FOXJ3: variants seen among roughly 807,000 people sequenced by gnomAD.
The protein encoded by FOXJ3 is forkhead box protein J3.
In FOXJ3, 22 loss-of-function variants were observed where a neutral mutation model predicts 76.1. The ratio of observed to expected loss-of-function variants is 0.29; its 90% confidence interval spans 0.21 to 0.41. The LOEUF is 0.41. FOXJ3 is among the 10% of genes least tolerant of loss of function. The probability of loss-of-function intolerance (pLI) is 1.00; values close to 1 mark genes in which losing one functional copy is unlikely to be tolerated. For synonymous variants in FOXJ3, 269 were observed against 261.2 expected, an observed-to-expected ratio of 1.03 and a Z score of -0.29; for missense variants, 613 against 762.1, an observed-to-expected ratio of 0.80 and a Z score of 2.30.
At chr1:42,333,717 A>T (rs565147561) in intron 1 of FOXJ3, among the ~76,000 whole-genome samples, 2 of 152,320 alleles carry the variant, frequency 1.3e-5, no homozygotes, top group African/African-American at 4.8e-5. Flanking sequence ...TGGAAGAGAC[A>T]TTAAGAAAAA....
chr1:42,188,926 G>A lies in FOXJ3; in HGVS notation c.1456C>T (p.Leu486=). 16 of 1,574,960 alleles carry A rather than the reference G, an allele frequency of 1.0e-5. No homozygotes were observed. The highest frequency in any genetic ancestry group is 1.4e-5 in the Non-Finnish European group (16 of 1,156,844). ...SDVDLSQFQG[L]MESMRQADLK... Reference sequence around the variant, plus strand: ...TCTGCCTGTCTCATACTCTCCATCAGACCTATGAGGAAAGCATTAAAAATA... The same window carrying A: ...TCTGCCTGTCTCATACTCTCCATCAAACCTATGAGGAAAGCATTAAAAATA... Residue 486 remains leucine (L), a splice_region_variant and synonymous_variant, in exon 11 of 13, where the codon CTG becomes TTG. Transcript: ENST00000361346.
At chr1:42,319,688 T>C (rs1366225330) in intron 1 of FOXJ3, among the ~76,000 whole-genome samples, 4 of 152,130 alleles carry the variant, frequency 2.6e-5, no homozygotes. Context: ...ACAAAGCAGT[T>C]AGGAAAAAAA....
At chr1:42,181,844 CCAT>C in intron 12 of FOXJ3, 70 bp downstream of exon 12, 1 of 946,968 alleles carries the variant, frequency 1.1e-6, no homozygotes, top group Non-Finnish European at 1.6e-6. Context: ...CTCTCACCTG[CCAT>C]CGTTGTTCCT....
chr1:42,231,855 T>C lies in FOXJ3; in HGVS notation c.445-3889A>G, dbSNP rs181929523. Among the ~76,000 whole-genome samples the C allele has an allele frequency of 8.0e-3, 1,213 of 152,232 alleles. 7 individuals carry two copies. The highest frequency in any genetic ancestry group is 0.013 in the Non-Finnish European group (876 of 67,998). On this transcript the variant is annotated intron_variant, in intron 4 of 12. Coordinates refer to ENST00000361346, the MANE Select transcript of FOXJ3 (RefSeq NM_014947.5). Reference sequence around the variant, plus strand: ...TTAGGGGACATGTGCACAACGTGCATGTTACATATGTATACATGTGCCATG... The same window carrying C: ...TTAGGGGACATGTGCACAACGTGCACGTTACATATGTATACATGTGCCATG...
intron 2 of FOXJ3, among the ~76,000 whole-genome samples, chr1:42,299,620 A>G (rs1326866495): frequency 6.6e-6 from 1 of 150,728 alleles, no homozygotes; most frequent in Non-Finnish European, 1.5e-5. Flanking sequence ...GTTAATATTG[A>G]TATGTGGCTG....
At chr1:42,250,924 A>G (rs933926713) in intron 4 of FOXJ3, among the ~76,000 whole-genome samples, 10 of 151,664 alleles carry the variant, frequency 6.6e-5, no homozygotes, top group Non-Finnish European at 1.5e-4. Context: ...GAACAAAAAG[A>G]TGAGAAAAAT....
Position 42,279,280 on chromosome 1 carries a change from C to T in FOXJ3, c.45-608G>A, listed in dbSNP as rs182566676. On this transcript the variant is annotated intron_variant, in intron 2 of 12. Transcript: ENST00000361346. ...GAGACAAGCTAGCTGGGGGAGTTGA[C>T]CGAAAAAAGGAATGCAAAGTCAAGG... is the stretch of plus-strand genomic sequence containing the variant. Among the ~76,000 whole-genome samples, 14 of 151,582 alleles carry T rather than the reference C, an allele frequency of 9.2e-5. No individual in the cohort carries two copies. The East Asian group carries it at 2.7e-3, about 29-fold the overall frequency.
At position 42,182,020 on chromosome 1, in the gene FOXJ3, A is replaced by C; in HGVS notation, c.1650T>G (p.Asn550Lys). The change falls in exon 12 of 13, where the codon AAT (asparagine) becomes AAG (lysine). Residue 550 changes from asparagine (N) to lysine (K), a missense_variant. Around this residue, in one of 3 missense-constraint regions of FOXJ3, gnomAD observed 526 missense variants for 601.4 expected, o/e 0.87. Coordinates refer to ENST00000361346, the MANE Select transcript of FOXJ3 (RefSeq NM_014947.5). ...TKPSQHIGTG[N>K]LYIDSRQNLP... ...GATTTTGCCTAGAATCTATGTACAA[A>C]TTTCCTAATCAGATTAAAAGCAGAA... 2 of 1,596,462 alleles carry C rather than the reference A, an allele frequency of 1.3e-6. No homozygotes were observed. The highest frequency in any genetic ancestry group is 1.7e-6 in the Non-Finnish European group (2 of 1,165,560).
At chr1:42,194,860 T>G in intron 8 of FOXJ3, 30 bp downstream of exon 8, 2 of 1,459,574 alleles carry the variant, frequency 1.4e-6, no homozygotes, top group African/African-American at 1.4e-5. Flanking sequence ...AATAAAACTT[T>G]GTTATAAAAA....
At chr1:42,238,763 G>T (rs1648900836) in intron 4 of FOXJ3, among the ~76,000 whole-genome samples, 1 of 152,056 alleles carries the variant, frequency 6.6e-6, no homozygotes, top group Non-Finnish European at 1.5e-5. Context: ...GGCTGGTCTT[G>T]AACTCCTGAA....
intron 4 of FOXJ3, among the ~76,000 whole-genome samples, chr1:42,251,642 G>A (rs1570050718): frequency 6.6e-6 from 1 of 151,184 alleles, no homozygotes; most frequent in Non-Finnish European, 1.5e-5. Flanking sequence ...GCATCCCAGG[G>A]ATGAAGCCCA....
chr1:42,203,753 T>C (rs555126361), intron 6 of FOXJ3, among the ~76,000 whole-genome samples: 4 of 152,218 alleles, frequency 2.6e-5, no homozygotes, highest in South Asian at 2.1e-4. Flanking sequence ...CCCAGCACTT[T>C]GGGAGGCCAA....
chr1:42,272,758 G>A (rs1651953098), intron 3 of FOXJ3, among the ~76,000 whole-genome samples: 1 of 152,208 alleles, frequency 6.6e-6, no homozygotes, highest in African/African-American at 2.4e-5. Flanking sequence ...AATGAAGCCA[G>A]ACAAGTTAAT....
intron 1 of FOXJ3, among the ~76,000 whole-genome samples, chr1:42,313,185 A>C (rs904458768): frequency 6.6e-6 from 1 of 151,986 alleles, no homozygotes; most frequent in South Asian, 2.1e-4. Flanking sequence ...AAATACAAAA[A>C]ATTTAGCCGG....
At chr1:42,180,191 T>A (rs1022846215) in intron 12 of FOXJ3, among the ~76,000 whole-genome samples, 1 of 152,206 alleles carries the variant, frequency 6.6e-6, no homozygotes, top group Non-Finnish European at 1.5e-5. Flanking sequence ...GTAACATGAA[T>A]TGGCTCCCAT....
intron 3 of FOXJ3, among the ~76,000 whole-genome samples, chr1:42,277,540 G>A (rs1387879692): frequency 0.17 from 3,806 of 22,172 alleles, 403 homozygotes; most frequent in Admixed American, 0.22. Flanking sequence ...GCTCACGCCT[G>A]TAATCCCAGC....
chr1:42,250,796 C>T (rs943715491), intron 4 of FOXJ3, among the ~76,000 whole-genome samples: 4 of 103,988 alleles, frequency 3.8e-5, no homozygotes, highest in Non-Finnish European at 5.6e-5. Flanking sequence ...AAAACTCCAT[C>T]TCAAAAAAAA....
At chr1:42,282,529 C>T (rs1460400907) in intron 2 of FOXJ3, among the ~76,000 whole-genome samples, 1 of 152,184 alleles carries the variant, frequency 6.6e-6, no homozygotes, top group Non-Finnish European at 1.5e-5. Context: ...ATAGTTGAAT[C>T]ATATGCTTAA....
At chr1:42,227,373 T>C (rs942315219) in intron 5 of FOXJ3, among the ~76,000 whole-genome samples, 3 of 152,226 alleles carry the variant, frequency 2.0e-5, no homozygotes, top group Non-Finnish European at 4.4e-5. Context: ...CCTTTTTACT[T>C]TCACTCTTGC....
Sources: allele counts gnomAD v4.1 joint callset (sites outside exome capture counted in the v4.1 genomes callset), GRCh38; gene constraint gnomAD v4.1.1; regional missense constraint gnomAD v4.1.1; transcripts MANE v1.5; gene names NCBI Gene and HGNC (gene_info 2026-07-23, HGNC 2026-07-21).